The following SLC9A8 variants were observed in gnomAD, a reference collection of about 807,000 sequenced individuals.
SLC9A8 encodes solute carrier family 9 member A8, also known as sodium/hydrogen exchanger 8.
In SLC9A8, 48 loss-of-function variants were observed where a neutral mutation model predicts 66.6. The observed-to-expected ratio is 0.72, with a 90% CI of 0.57 to 0.92. The LOEUF is 0.92. Ranked by LOEUF, SLC9A8 falls within the 40% of genes least tolerant of loss-of-function variation. SLC9A8 has a pLI of 0.00. For missense variants in SLC9A8, 599 were observed against 747.3 expected (o/e 0.80, Z 2.31); for synonymous variants, 274 against 282.6 (o/e 0.97, Z 0.31).
At chr20:49,825,598 A>G (rs2086886333) in intron 3 of SLC9A8, among the ~76,000 whole-genome samples, 1 of 152,108 alleles carries the variant, frequency 6.6e-6, no homozygotes, top group Non-Finnish European at 1.5e-5. Flanking sequence ...GCTCCAGTCA[A>G]CGCCAGGGCA....
At chr20:49,846,587 A>G (rs1210287868) in intron 5 of SLC9A8, among the ~76,000 whole-genome samples, 1 of 151,998 alleles carries the variant, frequency 6.6e-6, no homozygotes, top group African/African-American at 2.4e-5. Context: ...ATTATTAATA[A>G]CAATATTACC....
At chr20:49,835,310 T>C (rs1259085835) in intron 3 of SLC9A8, among the ~76,000 whole-genome samples, 3 of 151,966 alleles carry the variant, frequency 2.0e-5, no homozygotes, top group Admixed American at 2.0e-4. Flanking sequence ...CAACCATCAG[T>C]GGGGCAATGG....
intron 3 of SLC9A8, chr20:49,830,558 G>T: frequency 3.2e-6 from 2 of 620,412 alleles, no homozygotes; most frequent in Non-Finnish European, 2.9e-6. Flanking sequence ...TTGCGTCCAG[G>T]TCGGGGGGTC....
intron 6 of SLC9A8, among the ~76,000 whole-genome samples, chr20:49,850,445 A>C (rs1324623611): frequency 6.6e-6 from 1 of 152,216 alleles, no homozygotes; most frequent in Non-Finnish European, 1.5e-5. Context: ...TTCTTCTCTC[A>C]ATAGCCAAAG....
intron 12 of SLC9A8, among the ~76,000 whole-genome samples, chr20:49,880,098 C>G (rs1372829063): frequency 6.6e-6 from 1 of 151,440 alleles, no homozygotes; most frequent in Non-Finnish European, 1.5e-5. Context: ...TCATCTTTAA[C>G]TAAAAAATTT....
intron 10 of SLC9A8, among the ~76,000 whole-genome samples, chr20:49,872,769 G>A (rs1190287382): frequency 1.3e-5 from 2 of 152,176 alleles, no homozygotes; most frequent in Non-Finnish European, 2.9e-5. Flanking sequence ...ACAGGCATGA[G>A]CCACCGCGCC....
At chr20:49,877,067 A>G (rs1255197345) in intron 11 of SLC9A8, among the ~76,000 whole-genome samples, 2 of 150,960 alleles carry the variant, frequency 1.3e-5, no homozygotes, top group African/African-American at 4.9e-5. Flanking sequence ...AGGTGTGCGG[A>G]TCACAAGGTC....
At chr20:49,848,345 G>T (rs921018509) in intron 5 of SLC9A8, among the ~76,000 whole-genome samples, 1 of 152,208 alleles carries the variant, frequency 6.6e-6, no homozygotes, top group Non-Finnish European at 1.5e-5. Flanking sequence ...AGTAAAGATT[G>T]ATATGCCAAA....
chr20:49,814,975 C>G (rs1300459791), intron 1 of SLC9A8, 33 bp from the exon 2 acceptor site: 1 of 1,465,632 alleles, frequency 6.8e-7, no homozygotes, highest in Non-Finnish European at 9.1e-7. Context: ...GGACCCTTTT[C>G]CATTATCTAA....
intron 14 of SLC9A8, among the ~76,000 whole-genome samples, chr20:49,885,294 A>G (rs1269114383): frequency 6.6e-6 from 1 of 152,132 alleles, no homozygotes; most frequent in Non-Finnish European, 1.5e-5. Flanking sequence ...AGCATCTCAT[A>G]GGTATGGTAT....
At chr20:49,814,949 G>A in intron 1 of SLC9A8, 59 bp from the exon 2 acceptor site, 1 of 1,341,258 alleles carries the variant, frequency 7.5e-7, no homozygotes, top group Non-Finnish European at 1.0e-6. Flanking sequence ...TGTGAGGTGT[G>A]TGAATTGATG....
chr20:49,881,098 G>C (rs1264012010), intron 13 of SLC9A8, 63 bp downstream of exon 13: 28 of 1,178,466 alleles, frequency 2.4e-5, no homozygotes, highest in Non-Finnish European at 3.8e-6. Flanking sequence ...CCCATACAGG[G>C]AGAGCTGTGG....
At chr20:49,860,330 T>C (rs1203648400) in intron 8 of SLC9A8, among the ~76,000 whole-genome samples, 1 of 152,228 alleles carries the variant, frequency 6.6e-6, no homozygotes, top group Non-Finnish European at 1.5e-5. Flanking sequence ...TCTCAGACCT[T>C]TATTATGTTA....
chr20:49,845,615 C>T (rs1321363848), intron 5 of SLC9A8, among the ~76,000 whole-genome samples: 1 of 152,040 alleles, frequency 6.6e-6, no homozygotes, highest in African/African-American at 2.4e-5. Flanking sequence ...GCTTGATATT[C>T]CCCTTCATCC....
At position 49,888,097 on chromosome 20, in the gene SLC9A8, C is replaced by T; in HGVS notation, c.*161C>T. On this transcript the variant is annotated 3_prime_UTR_variant, in exon 16 of 16. Coordinates refer to ENST00000361573, the MANE Select transcript of SLC9A8 (RefSeq NM_015266.3). ...CTGCAGAGTCGCCTTAGTCCAGAAC[C>T]TGACAGGCCTCTGGAGCCAGGCGAC... 1.7e-6 allele frequency: 1 copy of T among 576,428 alleles called. No individual in the cohort carries two copies. The highest frequency in any genetic ancestry group is 3.1e-6 in the Non-Finnish European group (1 of 324,226). 35.7% of individuals were successfully genotyped at this position (576,428 alleles called of 1,614,324 possible). A position where few individuals can be genotyped will look rare whatever the true frequency, so the allele number is the denominator to read the frequency against.
intron 3 of SLC9A8, chr20:49,830,237 A>AT: frequency 1.1e-6 from 1 of 922,188 alleles, no homozygotes; most frequent in Non-Finnish European, 1.8e-6. Context: ...AAAAGATGGG[A>AT]TTTGGGGGCC....
At chr20:49,830,679 C>A in intron 3 of SLC9A8, 1 of 660,864 alleles carries the variant, frequency 1.5e-6, no homozygotes, top group Non-Finnish European at 2.8e-6. Context: ...CAGCTGCTTC[C>A]AGGCGATAGG....
At chr20:49,829,241 T>C (rs576112555) in intron 3 of SLC9A8, 2 of 152,456 alleles carry the variant, frequency 1.3e-5, no homozygotes, top group Non-Finnish European at 2.9e-5. Flanking sequence ...CTCATGGGGC[T>C]GGGCGCGGTG....
In SLC9A8 at chr20:49,834,185, C is replaced by CTA. The variant is rs377091649; in HGVS notation, c.290-5327_290-5326dup. ...TCTCTCTCTCTCTCTCTCTCTCTCT[C>CTA]TATATATATATATATATATATATAT... On this transcript the variant is annotated intron_variant, in intron 3 of 15. Coordinates refer to ENST00000361573, the MANE Select transcript of SLC9A8 (RefSeq NM_015266.3). Among the ~76,000 whole-genome samples the CTA allele has an allele frequency of 9.5e-3, 329 of 34,494 alleles. 6 individuals are homozygous for CTA. The highest frequency in any genetic ancestry group is 0.025 in the South Asian group (25 of 990). 22.6% of individuals were successfully genotyped at this position (34,494 alleles called of 152,430 possible). A position where few individuals can be genotyped will look rare whatever the true frequency, so the allele number is the denominator to read the frequency against.
Sources: allele counts gnomAD v4.1 joint callset (sites outside exome capture counted in the v4.1 genomes callset), GRCh38; gene constraint gnomAD v4.1.1; transcripts MANE v1.5; gene names NCBI Gene and HGNC (gene_info 2026-07-23, HGNC 2026-07-21).